DNAJC7: variants seen among roughly 807,000 people sequenced by gnomAD.
The protein encoded by DNAJC7 is DnaJ heat shock protein family (Hsp40) member C7, also known as dnaJ homolog subfamily C member 7.
Under a neutral mutation model 67.4 loss-of-function variants are expected in DNAJC7, and 18 were observed. That is an observed-to-expected ratio of 0.27 (90% CI 0.18 to 0.40). The LOEUF (loss-of-function observed/expected upper bound fraction) is 0.40, where lower values mean the gene tolerates loss of function less well. DNAJC7 is among the 10% of genes least tolerant of loss of function. The pLI is 1.00. For synonymous variants in DNAJC7, 220 were observed against 207.8 expected, an observed-to-expected ratio of 1.06 and a Z score of -0.50; for missense variants, 419 against 613.8, an observed-to-expected ratio of 0.68 and a Z score of 3.35.
At chr17:42,010,211 C>T (rs1212334441) in intron 1 of DNAJC7, among the ~76,000 whole-genome samples, 1 of 151,090 alleles carries the variant, frequency 6.6e-6, no homozygotes, top group Non-Finnish European at 1.5e-5. Flanking sequence ...AGGCCGGGTG[C>T]AGTGGCTCAC....
intron 1 of DNAJC7, among the ~76,000 whole-genome samples, chr17:42,008,809 G>A (rs2052042997): frequency 1.3e-5 from 2 of 152,198 alleles, no homozygotes; most frequent in Non-Finnish European, 2.9e-5. Context: ...CCAGGTTCAA[G>A]TGATTCTCCT....
rs1555645125 is a variant in DNAJC7 at position 41,977,344 on chromosome 17, C to T, written c.1385-21G>A. 3 of 1,566,280 alleles carry T rather than the reference C, an allele frequency of 1.9e-6. No individual in the cohort carries two copies. In the Admixed American group the frequency reaches 5.7e-5, roughly 30 times the overall value. On this transcript the variant is annotated intron_variant, in intron 12 of 13. Coordinates refer to ENST00000457167, the MANE Select transcript of DNAJC7 (RefSeq NM_003315.4). ...AAAATCTGTAGAGCAGGGCAAGTAACATGGAAGGGAAGAAAAGGTGAAAAA... is the reference window on the plus strand; with the variant it reads ...AAAATCTGTAGAGCAGGGCAAGTAATATGGAAGGGAAGAAAAGGTGAAAAA...
intron 3 of DNAJC7, 141 bp downstream of exon 3, chr17:41,996,974 C>T (rs2051677062): frequency 7.6e-7 from 1 of 1,323,628 alleles, no homozygotes; most frequent in Admixed American, 2.4e-5. Context: ...GCTAAACAAC[C>T]CACAGTGCAC....
At chr17:42,004,524 CACCAAT>C (rs782738318) in intron 1 of DNAJC7, among the ~76,000 whole-genome samples, 9 of 152,142 alleles carry the variant, frequency 5.9e-5, no homozygotes, top group Admixed American at 6.6e-5. Flanking sequence ...ACTCCACCTC[CACCAAT>C]CCAGTCTTTT....
chr17:42,009,780 C>T (rs2052068549), intron 1 of DNAJC7, among the ~76,000 whole-genome samples: 1 of 152,224 alleles, frequency 6.6e-6, no homozygotes, highest in South Asian at 2.1e-4. Context: ...GTTCCCTATT[C>T]TGTGACATCT....
intron 5 of DNAJC7, among the ~76,000 whole-genome samples, chr17:41,993,839 C>T (rs2051576119): frequency 6.8e-6 from 1 of 147,530 alleles, no homozygotes; most frequent in African/African-American, 2.5e-5. Flanking sequence ...GAGTACGAGA[C>T]CAGCCTGACC....
At chr17:41,987,146 G>C (rs1567957644) in intron 9 of DNAJC7, among the ~76,000 whole-genome samples, 1 of 152,104 alleles carries the variant, frequency 6.6e-6, no homozygotes, top group Non-Finnish European at 1.5e-5. Context: ...AGAGTAAGAG[G>C]AGCAACCATG....
chr17:42,013,512 G>A (rs1016560914), intron 1 of DNAJC7: 2 of 152,138 alleles, frequency 1.3e-5, no homozygotes, highest in African/African-American at 4.8e-5. Context: ...TCACAAAAAC[G>A]ACCCGAGAGA....
rs551523691 is a variant in DNAJC7 at position 42,008,471 on chromosome 17, G to A, written c.78-7901C>T. 6.5e-4 allele frequency among the ~76,000 whole-genome samples: 99 copies of A among 151,192 alleles called. 2 individuals carry two copies. Among genetic ancestry groups the A allele is most frequent in the Non-Finnish European group, 9.3e-4 (63 of 67,802 alleles). On this transcript the variant is annotated intron_variant, in intron 1 of 13. Coordinates refer to ENST00000457167, the MANE Select transcript of DNAJC7 (RefSeq NM_003315.4). ...GTCACCCAGGTTGGAGTGCAGTGGC[G>A]CCATCTCGGCTCATTGCAAGCTCCG...
intron 5 of DNAJC7, among the ~76,000 whole-genome samples, chr17:41,991,738 G>A (rs1287384743): frequency 6.6e-6 from 1 of 152,152 alleles, no homozygotes; most frequent in African/African-American, 2.4e-5. Flanking sequence ...GAGTATCAGT[G>A]GCACAATCAT....
At position 41,981,842 on chromosome 17, in the gene DNAJC7, C is replaced by G; in HGVS notation, c.1384+13G>C. 2 of 1,610,270 alleles carry G rather than the reference C, an allele frequency of 1.2e-6. No individual in the cohort carries two copies. Among genetic ancestry groups the G allele is most frequent in the Non-Finnish European group, 1.7e-6 (2 of 1,178,610 alleles). ...GCTGTCAAATTCATCCCAGGCTGCC[C>G]CAGCCAACTCACCACCCATATTCAT... is the stretch of plus-strand genomic sequence containing the variant. On this transcript the variant is annotated intron_variant, in intron 12 of 13. Transcript: ENST00000457167.
chr17:41,991,029 T>C (rs1182416665), intron 5 of DNAJC7, among the ~76,000 whole-genome samples: 1 of 152,180 alleles, frequency 6.6e-6, no homozygotes, highest in Non-Finnish European at 1.5e-5. Flanking sequence ...CATGCCACTA[T>C]ACAAACCACA....
Position 42,000,504 on chromosome 17 carries a change from A to G in DNAJC7, c.144T>C (p.Tyr48=). Reference sequence around the variant, plus strand: ...CACCTATGGCTTTTGTATAATAATTATAAGCTTCATTGTAATCTTTCTTGG... The same window carrying G: ...CACCTATGGCTTTTGTATAATAATTGTAAGCTTCATTGTAATCTTTCTTGG... ...YYAKKDYNEA[Y]NYYTKAIDMC... is the part of the protein sequence containing the mutation. The change falls in exon 2 of 14, where the codon TAT becomes TAC. Residue 48 remains tyrosine (Y), a synonymous_variant. Transcript: ENST00000457167. The G allele has an allele frequency of 6.2e-7, 1 of 1,610,646 alleles. No individual in the cohort carries two copies. Among genetic ancestry groups the G allele is most frequent in the Non-Finnish European group, 8.5e-7 (1 of 1,178,084 alleles).
At chr17:42,015,621 G>C (rs2052247093) in intron 1 of DNAJC7, 1 of 151,720 alleles carries the variant, frequency 6.6e-6, no homozygotes, top group Non-Finnish European at 1.5e-5. Context: ...GAGGTGGGCG[G>C]ATCACGAGGT....
At chr17:41,996,497 C>A in intron 3 of DNAJC7, 73 bp from the exon 4 acceptor site, 3 of 1,408,438 alleles carry the variant, frequency 2.1e-6, no homozygotes, top group East Asian at 2.4e-5. Flanking sequence ...CAGCAACAGA[C>A]ACCCACACAA....
In DNAJC7 at chr17:41,990,381, A is replaced by G; in HGVS notation, c.482T>C (p.Val161Ala). Reference protein sequence around the residue: ...TDFEKRDFRKVVFCMDRALEF... With the variant: ...TDFEKRDFRKAVFCMDRALEF... ...TAGGGCACGGTCCATGCAGAAAACA[A>G]CCTGTAGGGAAGAAGAAAACAAATA... Residue 161 changes from valine to alanine, a missense_variant and splice_region_variant, in exon 6 of 14, where the codon GTT becomes GCT. Around this residue, in one of 4 missense-constraint regions of DNAJC7, gnomAD observed 179 missense variants for 249.7 expected, o/e 0.72. Transcript: ENST00000457167. The G allele has an allele frequency of 6.2e-7, 1 of 1,603,206 alleles. No individual in the cohort carries two copies. The highest frequency in any genetic ancestry group is 1.1e-5 in the South Asian group (1 of 88,994).
At chr17:41,994,074 A>T (rs1237150456) in intron 5 of DNAJC7, among the ~76,000 whole-genome samples, 2 of 149,568 alleles carry the variant, frequency 1.3e-5, no homozygotes, top group African/African-American at 4.9e-5. Context: ...GCGGTGGCTC[A>T]CGCCTGTAAT....
intron 8 of DNAJC7, 147 bp from the exon 9 acceptor site, chr17:41,988,057 C>T (rs1463583305): frequency 1.5e-6 from 1 of 649,324 alleles, no homozygotes; most frequent in Middle Eastern, 2.9e-4. Context: ...GTCACCAGGG[C>T]TATGGACAGC....
intron 4 of DNAJC7, 82 bp downstream of exon 4, chr17:41,996,229 C>A (rs1426251727): frequency 3.6e-6 from 5 of 1,385,582 alleles, no homozygotes; most frequent in South Asian, 2.4e-5. Context: ...TGAGACTAGA[C>A]CTCAGTTCCG....
Sources: gnomAD v4.1 joint callset for allele counts (sites outside exome capture counted in the v4.1 genomes callset) on GRCh38, gnomAD v4.1.1 for gene constraint, gnomAD v4.1.1 regional missense constraint, MANE v1.5 for transcripts, NCBI Gene and HGNC (gene_info 2026-07-23, HGNC 2026-07-21) for gene names.